Variants in BANK1 observed in about 807,000 individuals in gnomAD.
BANK1 encodes the protein B-cell scaffold protein with ankyrin repeats.
Under a neutral mutation model 94.5 loss-of-function variants are expected in BANK1, and 95 were observed. That is an observed-to-expected ratio of 1.00 (90% CI 0.85 to 1.19). The LOEUF is 1.19. BANK1 is among the 50% of genes most tolerant of loss of function. The probability of loss-of-function intolerance (pLI) is 0.00; values close to 1 mark genes in which losing one functional copy is unlikely to be tolerated. For missense variants in BANK1, 987 were observed against 932.2 expected, an observed-to-expected ratio of 1.06 and a Z score of -0.77; for synonymous variants, 334 against 308.4, an observed-to-expected ratio of 1.08 and a Z score of -0.87.
chr4:102,034,351 T>C (rs766019375), intron 10 of BANK1, among the ~76,000 whole-genome samples: 10 of 152,194 alleles, frequency 6.6e-5, no homozygotes, highest in Non-Finnish European at 1.3e-4. Flanking sequence ...TAGCTGATAT[T>C]ACCCAAGCAA....
intron 2 of BANK1, among the ~76,000 whole-genome samples, chr4:101,842,862 C>A (rs1001965011): frequency 6.6e-6 from 1 of 152,190 alleles, no homozygotes; most frequent in African/African-American, 2.4e-5. Flanking sequence ...CCTCTGCATT[C>A]TAGGTTTCAC....
chr4:101,997,138 A>G (rs1319680156), intron 7 of BANK1, among the ~76,000 whole-genome samples: 1 of 152,120 alleles, frequency 6.6e-6, no homozygotes, highest in African/African-American at 2.4e-5. Flanking sequence ...TTTTACCATG[A>G]AAGGGTGTTG....
At chr4:101,901,849 C>T (rs2148893642) in intron 6 of BANK1, among the ~76,000 whole-genome samples, 1 of 152,244 alleles carries the variant, frequency 6.6e-6, no homozygotes, top group East Asian at 1.9e-4. Flanking sequence ...CAAGCTCTGC[C>T]TCCTAGGTTC....
chr4:102,064,860 G>C (rs1434424200), intron 13 of BANK1, among the ~76,000 whole-genome samples: 1 of 152,206 alleles, frequency 6.6e-6, no homozygotes, highest in Non-Finnish European at 1.5e-5. Context: ...AAGAAGTTCT[G>C]TTGAACTGAG....
intron 13 of BANK1, among the ~76,000 whole-genome samples, chr4:102,070,666 A>G (rs1307653215): frequency 6.6e-6 from 1 of 152,146 alleles, no homozygotes; most frequent in Non-Finnish European, 1.5e-5. Context: ...CTGCTGAACC[A>G]TCACCTAATG....
chr4:101,883,582 T>A (rs12647741), intron 5 of BANK1, among the ~76,000 whole-genome samples: 1 of 152,112 alleles, frequency 6.6e-6, no homozygotes, highest in Non-Finnish European at 1.5e-5. Context: ...TTCATGCTTC[T>A]TATGTGGCCC....
At chr4:101,890,852 A>G (rs973466266) in intron 5 of BANK1, among the ~76,000 whole-genome samples, 2 of 151,556 alleles carry the variant, frequency 1.3e-5, no homozygotes, top group Non-Finnish European at 2.9e-5. Flanking sequence ...TATATTATAT[A>G]TACAAAACTT....
chr4:101,933,414 G>A (rs1173051419), intron 7 of BANK1, among the ~76,000 whole-genome samples: 1 of 151,332 alleles, frequency 6.6e-6, no homozygotes, highest in Non-Finnish European at 1.5e-5. Flanking sequence ...GGGGTATGGA[G>A]TTTTACATGG....
chr4:101,821,355 C>T (rs556340568), intron 1 of BANK1, among the ~76,000 whole-genome samples: 32 of 152,176 alleles, frequency 2.1e-4, no homozygotes, highest in South Asian at 6.2e-4. Context: ...CGATATTTGA[C>T]CTTTGTCAGA....
chr4:101,806,794 C>T lies in BANK1; in HGVS notation c.70+15844C>T, dbSNP rs181709368. Among the ~76,000 whole-genome samples, 16 of 152,260 alleles carry T rather than the reference C, an allele frequency of 1.1e-4. No homozygotes were observed. In the East Asian group the frequency reaches 3.1e-3, roughly 29 times the overall value. On this transcript the variant is annotated intron_variant, in intron 1 of 16. Coordinates refer to ENST00000322953, the MANE Select transcript of BANK1 (RefSeq NM_017935.5). The stretch of plus-strand genomic sequence containing the variant: ...ATCTTATGCAGGGATAATTATCCAT[C>T]ATTCATTTATTCTTCAACCATTTAT...
chr4:102,036,004 A>G (rs1727502130), intron 10 of BANK1, among the ~76,000 whole-genome samples: 4 of 152,258 alleles, frequency 2.6e-5, no homozygotes, highest in Admixed American at 6.5e-5. Context: ...AACTACGTCC[A>G]TAAATCATGC....
intron 1 of BANK1, among the ~76,000 whole-genome samples, chr4:101,815,414 C>T (rs1348374936): frequency 6.6e-6 from 1 of 152,036 alleles, no homozygotes; most frequent in Non-Finnish European, 1.5e-5. Context: ...GTAAGTATTG[C>T]ACCTGGGATT....
chr4:102,065,951 A>C (rs1287394724), intron 13 of BANK1, among the ~76,000 whole-genome samples: 1 of 152,172 alleles, frequency 6.6e-6, no homozygotes, highest in Non-Finnish European at 1.5e-5. Context: ...TCTAAAATGC[A>C]TGTAATTAGA....
At chr4:101,950,060 T>TGTGTGCGC (rs369393040) in intron 7 of BANK1, among the ~76,000 whole-genome samples, 48 of 139,492 alleles carry the variant, frequency 3.4e-4, no homozygotes, top group South Asian at 1.1e-3. Context: ...TGTGTGTGTG[T>TGTGTGCGC]GCGCGTGCGC....
At position 102,025,521 on chromosome 4, in the gene BANK1, G is replaced by A. The variant is rs1727060660; in HGVS notation, c.1594+12G>A. On this transcript the variant is annotated intron_variant, in intron 9 of 16. Coordinates refer to ENST00000322953, the MANE Select transcript of BANK1 (RefSeq NM_017935.5). ...CTTCACCTTACCAGGTAAGTTTAAG[G>A]TTAGAAAAAAACAAAACAAAACAAA... 1 of 1,609,540 alleles carries A rather than the reference G, an allele frequency of 6.2e-7. No homozygotes were observed. Among genetic ancestry groups the A allele is most frequent in the African/African-American group, 1.3e-5 (1 of 74,494 alleles).
intron 7 of BANK1, among the ~76,000 whole-genome samples, chr4:101,947,578 C>T (rs1723981231): frequency 6.6e-6 from 1 of 151,532 alleles, no homozygotes; most frequent in Admixed American, 6.6e-5. Flanking sequence ...TTTCCATGTG[C>T]ACTTTAGATT....
At chr4:101,991,027 T>C (rs777975845) in intron 7 of BANK1, among the ~76,000 whole-genome samples, 2 of 152,164 alleles carry the variant, frequency 1.3e-5, no homozygotes, top group Non-Finnish European at 2.9e-5. Context: ...TGCTGGGAGT[T>C]TTCATGTATT....
At chr4:101,880,436 G>C (rs1728636590) in intron 5 of BANK1, among the ~76,000 whole-genome samples, 1 of 151,590 alleles carries the variant, frequency 6.6e-6, no homozygotes, top group Non-Finnish European at 1.5e-5. Context: ...ATGAAGAGAT[G>C]AAAAAATAAA....
chr4:102,033,168 A>G (rs1164098741), intron 10 of BANK1, among the ~76,000 whole-genome samples: 2 of 152,168 alleles, frequency 1.3e-5, no homozygotes, highest in Non-Finnish European at 2.9e-5. Flanking sequence ...AGAATGCACA[A>G]TTTAACTTGT....
Sources: gnomAD v4.1 joint callset for allele counts (sites outside exome capture counted in the v4.1 genomes callset) on GRCh38, gnomAD v4.1.1 for gene constraint, MANE v1.5 for transcripts, NCBI Gene and HGNC (gene_info 2026-07-23, HGNC 2026-07-21) for gene names.